TANC2: variants seen among roughly 807,000 people sequenced by gnomAD.
TANC2 encodes the protein protein TANC2.
A neutral mutation model predicts 210.5 loss-of-function variants in TANC2; 26 were observed. The ratio of observed to expected loss-of-function variants is 0.12; its 90% CI spans 0.09 to 0.17. The LOEUF (loss-of-function observed/expected upper bound fraction) is 0.17, where lower values mean the gene tolerates loss of function less well. Ranked by LOEUF, TANC2 falls within the 10% of genes least tolerant of loss-of-function variation. TANC2 has a pLI of 1.00. For missense variants in TANC2, 2,129 were observed against 2,608.9 expected (o/e 0.82, Z 4.01); for synonymous variants, 931 against 967.1 (o/e 0.96, Z 0.69).
chr17:63,389,598 C>A, intron 17 of TANC2, 54 bp downstream of exon 17: 1 of 1,466,608 alleles, frequency 6.8e-7, no homozygotes, highest in Non-Finnish European at 9.3e-7. Context: ...ATTTTCGATG[C>A]ATACTCTTTC....
intron 8 of TANC2, among the ~76,000 whole-genome samples, chr17:63,239,341 A>G (rs1456308072): frequency 1.3e-5 from 2 of 152,106 alleles, no homozygotes; most frequent in African/African-American, 4.8e-5. Flanking sequence ...AAAATATGTC[A>G]TCATCTGGAC....
At chr17:63,001,363 C>CT (rs2033370226) in intron 1 of TANC2, among the ~76,000 whole-genome samples, 1 of 152,048 alleles carries the variant, frequency 6.6e-6, no homozygotes, top group South Asian at 2.1e-4. Flanking sequence ...CTCAATGAAA[C>CT]TTACTTTTAT....
chr17:62,981,948 T>A (rs2032324136), intron 1 of TANC2, among the ~76,000 whole-genome samples: 1 of 152,156 alleles, frequency 6.6e-6, no homozygotes, highest in African/African-American at 2.4e-5. Flanking sequence ...TCAGGATACA[T>A]CACCCTCCTG....
chr17:63,411,182 G>A (rs1051941812), intron 21 of TANC2, among the ~76,000 whole-genome samples: 5 of 152,132 alleles, frequency 3.3e-5, no homozygotes, highest in Non-Finnish European at 7.4e-5. Context: ...GAGGATTGAC[G>A]GGAGATCCGA....
In TANC2 at chr17:63,036,956, A is replaced by G. The variant is rs556024888; in HGVS notation, c.67+27330A>G. ...GAAACTATGGATAACACCGAACCCTATATGTACTTATGTCTTTTTTTACAC... is the reference window on the plus strand; with the variant it reads ...GAAACTATGGATAACACCGAACCCTGTATGTACTTATGTCTTTTTTTACAC... On this transcript the variant is annotated intron_variant, in intron 2 of 27. Transcript: ENST00000689528. Among the ~76,000 whole-genome samples the G allele has an allele frequency of 4.6e-5, 7 of 151,698 alleles. No homozygotes were observed. In the South Asian group the frequency reaches 1.0e-3, roughly 23 times the overall value.
chr17:63,384,470 A>T (rs1180147550), intron 15 of TANC2, among the ~76,000 whole-genome samples: 3 of 152,120 alleles, frequency 2.0e-5, no homozygotes, highest in African/African-American at 7.2e-5. Context: ...TAAAGGCTAC[A>T]CACATATATA....
chr17:63,413,490 C>A, intron 24 of TANC2, 53 bp from the exon 25 acceptor site: 1 of 1,412,334 alleles, frequency 7.1e-7, no homozygotes, highest in Non-Finnish European at 9.6e-7. Context: ...TAGCTTCCTA[C>A]CACCCTTACA....
At chr17:63,380,010 G>T (rs2047554026) in intron 15 of TANC2, among the ~76,000 whole-genome samples, 184 bp downstream of exon 15, 2 of 152,110 alleles carry the variant, frequency 1.3e-5, no homozygotes, top group African/African-American at 2.4e-5. Context: ...ACATCTCCCA[G>T]TGTAACTAAC....
chr17:63,205,086 A>AAAAT (rs1258085330), intron 7 of TANC2, among the ~76,000 whole-genome samples: 1 of 152,126 alleles, frequency 6.6e-6, no homozygotes, highest in African/African-American at 2.4e-5. Flanking sequence ...CCCTGTCTCA[A>AAAAT]AAATAAATAA....
intron 12 of TANC2, among the ~76,000 whole-genome samples, 200 bp from the exon 13 acceptor site, chr17:63,351,050 A>G (rs1336819965): frequency 6.6e-6 from 1 of 152,130 alleles, no homozygotes; most frequent in Non-Finnish European, 1.5e-5. Flanking sequence ...AAAAGCCTTC[A>G]TACCTGATTA....
chr17:63,158,314 A>T (rs1183703711), intron 5 of TANC2, among the ~76,000 whole-genome samples: 2 of 152,244 alleles, frequency 1.3e-5, no homozygotes, highest in African/African-American at 4.8e-5. Flanking sequence ...TAATTTACTT[A>T]GCACAATGCC....
intron 4 of TANC2, among the ~76,000 whole-genome samples, chr17:63,134,908 G>A (rs192767279): frequency 6.6e-6 from 1 of 151,978 alleles, no homozygotes; most frequent in African/African-American, 2.4e-5. Context: ...CAATTTAGGG[G>A]GCATACTAAC....
At chr17:63,172,949 A>C (rs557642046) in intron 5 of TANC2, among the ~76,000 whole-genome samples, 1 of 152,266 alleles carries the variant, frequency 6.6e-6, no homozygotes, top group Admixed American at 6.5e-5. Context: ...CATTGTTTTA[A>C]ATTTCTGCTA....
chr17:63,295,555 C>G (rs2044509636), intron 9 of TANC2, among the ~76,000 whole-genome samples: 1 of 152,156 alleles, frequency 6.6e-6, no homozygotes, highest in African/African-American at 2.4e-5. Context: ...GTTCTCCACT[C>G]TGGAAAGGTC....
intron 21 of TANC2, among the ~76,000 whole-genome samples, chr17:63,407,605 T>G (rs909129497): frequency 6.6e-6 from 1 of 152,242 alleles, no homozygotes; most frequent in East Asian, 1.9e-4. Flanking sequence ...CAACAAAGAT[T>G]TATTTAGGCT....
At chr17:63,385,513 T>C (rs2047750517) in intron 15 of TANC2, among the ~76,000 whole-genome samples, 1 of 152,214 alleles carries the variant, frequency 6.6e-6, no homozygotes, top group African/African-American at 2.4e-5. Flanking sequence ...AAAATAACAA[T>C]CAGAACTACT....
At chr17:63,403,770 AT>A (rs1348293357) in intron 19 of TANC2, among the ~76,000 whole-genome samples, 9 of 152,180 alleles carry the variant, frequency 5.9e-5, no homozygotes, top group Non-Finnish European at 1.2e-4. Flanking sequence ...AAATTACCAC[AT>A]TTTACTTCAT....
chr17:63,103,237 T>C (rs561881707), intron 4 of TANC2, among the ~76,000 whole-genome samples: 1 of 152,338 alleles, frequency 6.6e-6, no homozygotes, highest in Non-Finnish European at 1.5e-5. Context: ...CTCTGTAACC[T>C]TTATACTCTT....
chr17:63,207,518 A>G (rs992264537), intron 7 of TANC2, among the ~76,000 whole-genome samples: 9 of 152,122 alleles, frequency 5.9e-5, no homozygotes, highest in Admixed American at 1.3e-4. Flanking sequence ...CTCAGCCACA[A>G]ATTTCTTTTG....
Sources: allele counts gnomAD v4.1 joint callset (sites outside exome capture counted in the v4.1 genomes callset), GRCh38; gene constraint gnomAD v4.1.1; transcripts MANE v1.5; gene names NCBI Gene and HGNC (gene_info 2026-07-23, HGNC 2026-07-21).